SPON1: variants seen among roughly 807,000 people sequenced by gnomAD.
The protein encoded by SPON1 is spondin-1.
In SPON1, 52 loss-of-function variants were observed where a neutral mutation model predicts 111.7. That is an observed-to-expected ratio of 0.47 (90% CI 0.37 to 0.59). SPON1 has a LOEUF of 0.59. Among genes scored for constraint, SPON1 ranks in the 20% least tolerant of loss-of-function variants. The pLI is 0.00. For missense variants in SPON1, 957 were observed against 1,068.5 expected, an observed-to-expected ratio of 0.90 and a Z score of 1.46; for synonymous variants, 410 against 395.8, an observed-to-expected ratio of 1.04 and a Z score of -0.43.
intron 1 of SPON1, among the ~76,000 whole-genome samples, chr11:13,981,017 TC>T (rs1848139777): frequency 6.6e-6 from 1 of 152,190 alleles, no homozygotes; most frequent in African/African-American, 2.4e-5. Context: ...ATGTCCAGGA[TC>T]TTAGCACTTT....
In SPON1 at chr11:14,259,776, C is replaced by CACCA. The variant is rs1849152593; in HGVS notation, c.1831+76_1831+79dup. 1 of 1,463,988 alleles carries CACCA rather than the reference C, an allele frequency of 6.8e-7. No individual in the cohort carries two copies. The highest frequency in any genetic ancestry group is 1.4e-5 in the African/African-American group (1 of 71,422). The allele number at this position is 1,463,988 out of a possible 1,614,324, so 90.7% of individuals were successfully genotyped here. Reference sequence around the variant, plus strand: ...GGAGGGCCATGGCATCCACTATTACCACCATAAAGGTCGGAGGCTGAGCAG... The same window carrying CACCA: ...GGAGGGCCATGGCATCCACTATTACCACCAACCATAAAGGTCGGAGGCTGAGCAG... On this transcript the variant is annotated intron_variant, in intron 13 of 15. Transcript: ENST00000576479. The surrounding 1 kb of genome is among the most constrained non-coding windows in gnomAD (Gnocchi z 5.0).
intron 3 of SPON1, among the ~76,000 whole-genome samples, chr11:14,071,043 T>A (rs189090715): frequency 2.0e-5 from 3 of 152,274 alleles, no homozygotes; most frequent in African/African-American, 7.2e-5. Flanking sequence ...TATGCAACAG[T>A]ACTGCCAAAT....
In SPON1 at chr11:14,113,568, ATTTTTTTTTTTTTTTTTTTT is replaced by A. The variant is rs782780924; in HGVS notation, c.677-21819_677-21800del. Among the ~76,000 whole-genome samples, 47 of 74,732 alleles carry A rather than the reference ATTTTTTTTTTTTTTTTTTTT, an allele frequency of 6.3e-4. 1 individual carries two copies. The highest frequency in any genetic ancestry group is 2.3e-3 in the South Asian group (5 of 2,190). The allele number at this position is 74,732 out of a possible 152,430, so 49.0% of individuals were successfully genotyped here. On this transcript the variant is annotated intron_variant, in intron 5 of 15. Transcript: ENST00000576479. ...AAGTCACCTCCTATGTACTTTTTAA[ATTTTTTTTTTTTTTTTTTTT>A]TTTTTTTTTTTTTTTTTTTTTTTTT... is the stretch of plus-strand genomic sequence containing the variant.
At chr11:14,178,421 C>CAA (rs35221896) in intron 6 of SPON1, among the ~76,000 whole-genome samples, 9,709 of 123,790 alleles carry the variant, frequency 0.078, 445 homozygotes, top group Middle Eastern at 0.17. Flanking sequence ...GACTCCGTCT[C>CAA]AAAAAAAAAA....
intron 2 of SPON1, among the ~76,000 whole-genome samples, chr11:14,000,478 C>T (rs1554912342): frequency 6.6e-6 from 1 of 152,196 alleles, no homozygotes; most frequent in Non-Finnish European, 1.5e-5. Context: ...CTTTGTTCAG[C>T]ACTGCATCTG....
intron 5 of SPON1, among the ~76,000 whole-genome samples, chr11:14,109,147 T>C (rs191930743): frequency 5.6e-4 from 85 of 152,276 alleles, no homozygotes; most frequent in African/African-American, 1.8e-3. Flanking sequence ...TCTTTACAAC[T>C]CTTTGTGCCC....
intron 3 of SPON1, among the ~76,000 whole-genome samples, chr11:14,060,726 G>C (rs1564896045): frequency 6.6e-6 from 1 of 152,182 alleles, no homozygotes; most frequent in East Asian, 1.9e-4. Flanking sequence ...TAAATAAAAT[G>C]TCTACTACAG....
At chr11:14,115,517 G>T (rs879975358) in intron 5 of SPON1, among the ~76,000 whole-genome samples, 4 of 152,152 alleles carry the variant, frequency 2.6e-5, no homozygotes, top group Admixed American at 2.0e-4. Context: ...GTACTCTTTT[G>T]TATCTGGCTT....
At position 14,259,677 on chromosome 11, in the gene SPON1, G is replaced by C; in HGVS notation, c.1807G>C (p.Glu603Gln). 1 of 1,574,354 alleles carries C rather than the reference G, an allele frequency of 6.4e-7. No homozygotes were observed. Among genetic ancestry groups the C allele is most frequent in the South Asian group, 1.2e-5 (1 of 85,282 alleles). The change falls in exon 13 of 16, where the codon GAG (glutamate) becomes CAG (glutamine). Residue 603 changes from glutamate (E) to glutamine (Q), a missense_variant. Around this residue, in one of 5 missense-constraint regions of SPON1, gnomAD observed 549 missense variants for 606.2 expected, o/e 0.91. Coordinates refer to ENST00000576479, the MANE Select transcript of SPON1 (RefSeq NM_006108.4). The surrounding 1 kb of genome is among the most constrained non-coding windows in gnomAD (Gnocchi z 5.0). ...GTGCAAAGCCGAGACATCACAGGCA[G>C]AGAAGTGCATGATGCCAGAGTGCCG... ...SMCKAETSQA[E>Q]KCMMPECHTI...
chr11:14,194,532 A>ACT (rs1848380704), intron 6 of SPON1, among the ~76,000 whole-genome samples: 1 of 116,392 alleles, frequency 8.6e-6, no homozygotes, highest in Non-Finnish European at 1.7e-5. Flanking sequence ...CCTACTTCAC[A>ACT]CACACACACA....
intron 6 of SPON1, among the ~76,000 whole-genome samples, chr11:14,225,957 G>A (rs550508848): frequency 6.0e-4 from 92 of 152,082 alleles, no homozygotes; most frequent in Non-Finnish European, 7.9e-4. Flanking sequence ...TGCATCATCG[G>A]GCCATCTTCC....
At chr11:14,003,640 C>CTTT (rs1554912735) in intron 2 of SPON1, among the ~76,000 whole-genome samples, 17 of 152,180 alleles carry the variant, frequency 1.1e-4, no homozygotes, top group African/African-American at 3.9e-4. Context: ...GCTGAAGGGA[C>CTTT]CTACATAAGC....
At chr11:14,236,594 T>C (rs569562304) in intron 6 of SPON1, among the ~76,000 whole-genome samples, 1 of 152,254 alleles carries the variant, frequency 6.6e-6, no homozygotes, top group African/African-American at 2.4e-5. Flanking sequence ...GGCAGGGGAC[T>C]AAATGAAATC....
intron 1 of SPON1, among the ~76,000 whole-genome samples, chr11:13,970,791 C>A (rs2618490): frequency 0.022 from 3,383 of 152,250 alleles, 148 homozygotes; most frequent in African/African-American, 0.077. Context: ...CTCTCACTAC[C>A]AATTTATGTT....
chr11:14,257,794 A>T lies in SPON1; in HGVS notation c.1388A>T (p.Lys463Met). The T allele has an allele frequency of 6.2e-7, 1 of 1,612,486 alleles. No homozygotes were observed. Among genetic ancestry groups the T allele is most frequent in the Non-Finnish European group, 8.5e-7 (1 of 1,179,324 alleles). The change falls in exon 11 of 16, where the codon AAG (lysine) becomes ATG (methionine). Residue 463 changes from lysine to methionine, a missense_variant. Coordinates refer to ENST00000576479, the MANE Select transcript of SPON1 (RefSeq NM_006108.4). ...AGCTCCTCCACCTGTGACAAAGGCA[A>T]GAGGATGCGACAGCGCATGCTGAAA... Reference protein sequence around the residue: ...ACSSSTCDKGKRMRQRMLKAQ... With the variant: ...ACSSSTCDKGMRMRQRMLKAQ...
intron 3 of SPON1, among the ~76,000 whole-genome samples, chr11:14,074,726 C>A (rs1848903615): frequency 1.3e-5 from 2 of 151,986 alleles, no homozygotes; most frequent in Admixed American, 6.5e-5. Flanking sequence ...ATGTGCTGGC[C>A]AAAAGTAAGT....
chr11:14,160,790 ATTTATATATTTT>A (rs1847925474), intron 6 of SPON1, among the ~76,000 whole-genome samples: 1 of 44,264 alleles, frequency 2.3e-5, no homozygotes, highest in African/African-American at 9.0e-5. Context: ...TTTTATATAT[ATTTATATATTTT>A]TATATATATT....
At chr11:14,197,551 C>T (rs774168733) in intron 6 of SPON1, among the ~76,000 whole-genome samples, 30 of 151,162 alleles carry the variant, frequency 2.0e-4, no homozygotes, top group Admixed American at 7.3e-4. Flanking sequence ...TGGTGGCTCA[C>T]GCCTGTAATC....
At chr11:14,232,897 G>C (rs923574458) in intron 6 of SPON1, among the ~76,000 whole-genome samples, 7 of 152,094 alleles carry the variant, frequency 4.6e-5, no homozygotes, top group South Asian at 2.1e-4. Flanking sequence ...CACATGGCAG[G>C]GGGGGCAGTA....
Sources: allele counts gnomAD v4.1 joint callset (sites outside exome capture counted in the v4.1 genomes callset), GRCh38; gene constraint gnomAD v4.1.1; regional missense constraint gnomAD v4.1.1; non-coding constraint Gnocchi (gnomAD v3.1); transcripts MANE v1.5; gene names NCBI Gene and HGNC (gene_info 2026-07-23, HGNC 2026-07-21).